The following ULK4 variants were observed in gnomAD, a reference collection of about 807,000 sequenced individuals.
ULK4 encodes inactive serine/threonine-protein kinase ULK4.
A neutral mutation model predicts 160.6 loss-of-function variants in ULK4; 133 were observed. The ratio of observed to expected loss-of-function variants is 0.83; its 90% CI spans 0.72 to 0.96. The LOEUF is 0.96. Ranked by LOEUF, ULK4 falls within the 40% of genes least tolerant of loss-of-function variation. ULK4 has a pLI of 0.00. For missense variants in ULK4, 1,580 were observed against 1,499.5 expected, an observed-to-expected ratio of 1.05 and a Z score of -0.89; for synonymous variants, 534 against 539.8, an observed-to-expected ratio of 0.99 and a Z score of 0.15.
intron 18 of ULK4, among the ~76,000 whole-genome samples, chr3:41,830,242 C>G (rs983001352): frequency 6.6e-6 from 1 of 151,952 alleles, no homozygotes; most frequent in African/African-American, 2.4e-5. Context: ...CACATGTATA[C>G]ATATGTAACA....
At chr3:41,654,178 A>G (rs1031099403) in intron 30 of ULK4, among the ~76,000 whole-genome samples, 1 of 152,258 alleles carries the variant, frequency 6.6e-6, no homozygotes, top group Non-Finnish European at 1.5e-5. Context: ...GATAACATGT[A>G]TCTATTGCAA....
At chr3:41,272,741 C>T (rs2079160000) in intron 35 of ULK4, among the ~76,000 whole-genome samples, 1 of 152,134 alleles carries the variant, frequency 6.6e-6, no homozygotes, top group Non-Finnish European at 1.5e-5. Flanking sequence ...TCCAATCACA[C>T]ATGTTAGGAC....
At chr3:41,945,055 A>C (rs1001334001) in intron 2 of ULK4, among the ~76,000 whole-genome samples, 4 of 152,324 alleles carry the variant, frequency 2.6e-5, no homozygotes, top group Admixed American at 2.0e-4. Flanking sequence ...ATCTAGGCTC[A>C]ATTTCTGGAA....
intron 31 of ULK4, among the ~76,000 whole-genome samples, chr3:41,587,432 T>G (rs1461623621): frequency 2.6e-5 from 4 of 152,168 alleles, no homozygotes; most frequent in Non-Finnish European, 4.4e-5. Flanking sequence ...TGGCATGTAG[T>G]GGGGATAGAG....
At chr3:41,890,336 G>C (rs1207588555) in intron 16 of ULK4, among the ~76,000 whole-genome samples, 1 of 152,080 alleles carries the variant, frequency 6.6e-6, no homozygotes, top group Non-Finnish European at 1.5e-5. Context: ...TTCAGGAACA[G>C]AAAAAGGATG....
chr3:41,301,257 T>G lies in ULK4; in HGVS notation c.3679-51683A>C, dbSNP rs1232453991. 2.7e-5 allele frequency among the ~76,000 whole-genome samples: 4 copies of G among 150,478 alleles called. No individual in the cohort carries two copies. The East Asian group carries it at 7.7e-4, about 29-fold the overall frequency. On this transcript the variant is annotated intron_variant, in intron 35 of 36. Transcript: ENST00000301831. The stretch of plus-strand genomic sequence containing the variant: ...TTGATACAGAGAATATTATACTAAC[T>G]AGGTTTTTTCCTCTTAACCAGCTGG...
intron 27 of ULK4, among the ~76,000 whole-genome samples, chr3:41,699,034 C>A (rs2036587735): frequency 6.6e-6 from 1 of 152,164 alleles, no homozygotes; most frequent in South Asian, 2.1e-4. Context: ...CATCCATAGA[C>A]TGTTGATGGG....
chr3:41,826,911 A>G (rs1274210796), intron 18 of ULK4, among the ~76,000 whole-genome samples: 3 of 142,266 alleles, frequency 2.1e-5, no homozygotes, highest in African/African-American at 8.4e-5. Context: ...AGTTGGAAGT[A>G]AAGCTCTCCT....
chr3:41,875,241 G>T (rs1047175228), intron 17 of ULK4, among the ~76,000 whole-genome samples: 1 of 152,102 alleles, frequency 6.6e-6, no homozygotes, highest in Non-Finnish European at 1.5e-5. Context: ...TACACAGCAT[G>T]ATGAACTTAG....
chr3:41,559,867 T>G (rs1417568938), intron 32 of ULK4, among the ~76,000 whole-genome samples: 1 of 152,224 alleles, frequency 6.6e-6, no homozygotes, highest in Non-Finnish European at 1.5e-5. Context: ...AGCTCTTTAG[T>G]TTAATTAGAT....
chr3:41,771,930 G>C (rs1404658280), intron 21 of ULK4, among the ~76,000 whole-genome samples: 1 of 152,016 alleles, frequency 6.6e-6, no homozygotes, highest in Non-Finnish European at 1.5e-5. Context: ...CAATGAATTA[G>C]AGAGACACAA....
At chr3:41,778,001 G>A (rs1179662924) in intron 21 of ULK4, among the ~76,000 whole-genome samples, 1 of 130,136 alleles carries the variant, frequency 7.7e-6, no homozygotes, top group African/African-American at 3.2e-5. Flanking sequence ...GGCAGGAGAA[G>A]GAAATAAAGG....
chr3:41,737,080 GT>G (rs1296596244), intron 22 of ULK4, among the ~76,000 whole-genome samples: 13 of 151,928 alleles, frequency 8.6e-5, no homozygotes, highest in Non-Finnish European at 1.8e-4. Flanking sequence ...GTACCATGCT[GT>G]TTTGGTTACT....
chr3:41,327,597 AG>A (rs1298581940), intron 35 of ULK4, among the ~76,000 whole-genome samples: 2 of 152,214 alleles, frequency 1.3e-5, no homozygotes, highest in Non-Finnish European at 2.9e-5. Context: ...TTTCAACTGC[AG>A]CAATTATGGA....
chr3:41,805,826 G>A (rs1439639457), intron 19 of ULK4, among the ~76,000 whole-genome samples: 1 of 146,738 alleles, frequency 6.8e-6, no homozygotes, highest in East Asian at 1.9e-4. Context: ...GCATCCCAGG[G>A]ATGAAGCCCA....
intron 29 of ULK4, among the ~76,000 whole-genome samples, chr3:41,666,877 C>T (rs2035365682): frequency 6.6e-6 from 1 of 152,090 alleles, no homozygotes; most frequent in South Asian, 2.1e-4. Flanking sequence ...GGGATAGTGG[C>T]TCACACCTGT....
intron 21 of ULK4, among the ~76,000 whole-genome samples, chr3:41,761,351 G>A (rs2125907047): frequency 6.8e-6 from 1 of 148,080 alleles, no homozygotes; most frequent in Admixed American, 6.8e-5. Flanking sequence ...ATACATATAT[G>A]TATATGTATT....
At chr3:41,663,565 T>C in intron 30 of ULK4, 42 bp downstream of exon 30, 1 of 1,526,046 alleles carries the variant, frequency 6.6e-7, no homozygotes, top group Non-Finnish European at 9.1e-7. Context: ...AAATTCATTT[T>C]ATAGGTGAGA....
At chr3:41,330,180 AC>A (rs1222252531) in intron 35 of ULK4, among the ~76,000 whole-genome samples, 1 of 151,844 alleles carries the variant, frequency 6.6e-6, no homozygotes, top group Non-Finnish European at 1.5e-5. Context: ...ATCTCTCCAA[AC>A]CCCTCACTCC....
Sources: gnomAD v4.1 joint callset for allele counts (sites outside exome capture counted in the v4.1 genomes callset) on GRCh38, gnomAD v4.1.1 for gene constraint, MANE v1.5 for transcripts, NCBI Gene and HGNC (gene_info 2026-07-23, HGNC 2026-07-21) for gene names.